ZNF324: variants seen among roughly 807,000 people sequenced by gnomAD.
ZNF324 encodes the protein zinc finger protein 324, also known as zinc finger protein 324A.
ZNF324 carries 3 observed loss-of-function variants against 10.3 expected under a neutral mutation model. The observed-to-expected ratio is 0.29, with a 90% CI of 0.13 to 0.75. The LOEUF (loss-of-function observed/expected upper bound fraction) is 0.75. ZNF324 is among the 30% of genes least tolerant of loss of function. ZNF324 has a pLI of 0.69. For synonymous variants in ZNF324, 430 were observed against 339.5 expected, an observed-to-expected ratio of 1.27 and a Z score of -2.93; for missense variants, 763 against 784.4, an observed-to-expected ratio of 0.97 and a Z score of 0.33.
At position 58,475,046 on chromosome 19, in the gene ZNF324, TTTG is replaced by T. The variant is rs1322511820; in HGVS notation, c.*2895_*2897del. The T allele has an allele frequency of 2.6e-5, 4 of 152,014 alleles. No homozygotes were observed. The highest frequency in any genetic ancestry group is 1.9e-4 in the East Asian group (1 of 5,150). 9.4% of individuals were successfully genotyped at this position (152,014 alleles called of 1,614,324 possible). Reference sequence around the variant, plus strand: ...CCCCACATGGTGGAGGGTGAAAGTTTTTGTTTTTTTTTCCTTCTGGGACTCTGC... The same window carrying T: ...CCCCACATGGTGGAGGGTGAAAGTTTTTTTTTTTTCCTTCTGGGACTCTGC... On this transcript the variant is annotated 3_prime_UTR_variant, in exon 4 of 4. Coordinates refer to ENST00000196482, the MANE Select transcript of ZNF324 (RefSeq NM_014347.3).
At chr19:58,469,664 C>T in intron 2 of ZNF324, 64 bp from the exon 3 acceptor site, 1 of 1,353,602 alleles carries the variant, frequency 7.4e-7, no homozygotes, top group South Asian at 1.3e-5. Context: ...GACTCCTGCC[C>T]TCTGTTTGGA....
At position 58,467,958 on chromosome 19, in the gene ZNF324, G is replaced by A. The variant is rs568400546; in HGVS notation, c.-7+775G>A. 7.2e-5 allele frequency among the ~76,000 whole-genome samples: 11 copies of A among 152,040 alleles called. No individual in the cohort carries two copies. In the South Asian group the frequency reaches 2.1e-3, roughly 29 times the overall value. The stretch of plus-strand genomic sequence containing the variant: ...GGAGAACAGACATGCAGGGGTGTCG[G>A]CATGAAGGGAAGAACCGACTGCCAC... On this transcript the variant is annotated intron_variant, in intron 1 of 3. Transcript: ENST00000196482.
intron 1 of ZNF324, among the ~76,000 whole-genome samples, chr19:58,468,694 G>A (rs1400783969): frequency 1.3e-5 from 2 of 152,170 alleles, no homozygotes. Flanking sequence ...TGTGGCAGCT[G>A]AGGGCCCAGC....
At chr19:58,469,116 G>A in intron 1 of ZNF324, 64 bp from the exon 2 acceptor site, 2 of 1,610,298 alleles carry the variant, frequency 1.2e-6, no homozygotes, top group Admixed American at 3.3e-5. Context: ...GTGGCCCAGG[G>A]AAGCCAAAAG....
At position 58,472,579 on chromosome 19, in the gene ZNF324, T is replaced by G. The variant is rs2053047004; in HGVS notation, c.*425T>G. ...AACTGGCCGCTGGAGAGATGCCCGC[T>G]GAGGGTATTCTCCCCTCAACCCACT... On this transcript the variant is annotated 3_prime_UTR_variant, in exon 4 of 4. Transcript: ENST00000196482. 5.9e-6 allele frequency: 1 copy of G among 168,898 alleles called. No homozygotes were observed. Among genetic ancestry groups the G allele is most frequent in the Non-Finnish European group, 1.3e-5 (1 of 78,908 alleles). The allele number at this position is 168,898 out of a possible 1,614,324, so 10.5% of individuals were successfully genotyped here.
intron 1 of ZNF324, among the ~76,000 whole-genome samples, chr19:58,468,533 G>C (rs2053001019): frequency 6.6e-6 from 1 of 152,152 alleles, no homozygotes; most frequent in Admixed American, 6.5e-5. Context: ...AGGCAAGCAG[G>C]CTCAGCAGGG....
Position 58,470,874 on chromosome 19 carries a change from G to A in ZNF324, c.382G>A (p.Ala128Thr), listed in dbSNP as rs147519125. ...SVKSLQRQRG[A>T]SPSRERKPTG... ...AAAAAGCCTGCAGAGACAACGGGGT[G>A]CCTCCCCATCTCGGGAGAGAAAACC... The change falls in exon 4 of 4, where the codon GCC (alanine) becomes ACC (threonine). Residue 128 changes from alanine (A) to threonine (T), a missense_variant. Around this residue, in one of 3 missense-constraint regions of ZNF324, gnomAD observed 379 missense variants for 319.4 expected, o/e 1.19. Coordinates refer to ENST00000196482, the MANE Select transcript of ZNF324 (RefSeq NM_014347.3). 3.9e-3 allele frequency: 6,257 copies of A among 1,614,212 alleles called. 13 individuals are homozygous for A. The highest frequency in any genetic ancestry group is 5.0e-3 in the Non-Finnish European group (5,907 of 1,180,036).
chr19:58,471,364 G>A lies in ZNF324; in HGVS notation c.872G>A (p.Gly291Asp), dbSNP rs376375652. 2 of 1,614,026 alleles carry A rather than the reference G, an allele frequency of 1.2e-6. No homozygotes were observed. The highest frequency in any genetic ancestry group is 2.2e-5 in the South Asian group (2 of 91,084). The change falls in exon 4 of 4, where the codon GGC (glycine) becomes GAC (aspartate). Residue 291 changes from glycine to aspartate, a missense_variant. Around this residue, in one of 3 missense-constraint regions of ZNF324, gnomAD observed 153 missense variants for 269.0 expected, o/e 0.57. Transcript: ENST00000196482. The part of the protein sequence containing the change: ...GERPYECAQC[G>D]KAFSQTSHLT... ...CGGCCCTACGAGTGCGCCCAGTGCG[G>A]CAAGGCCTTCAGCCAGACGTCGCAC...
rs1352225860 is a variant in ZNF324 at position 58,472,453 on chromosome 19, C to G, written c.*299C>G. 1.9e-5 allele frequency: 8 copies of G among 426,076 alleles called. No individual in the cohort carries two copies. The highest frequency in any genetic ancestry group is 3.0e-5 in the Non-Finnish European group (7 of 237,108). The allele number at this position is 426,076 out of a possible 1,614,324, so 26.4% of individuals were successfully genotyped here. A position where few individuals can be genotyped will look rare whatever the true frequency, so the allele number is the denominator to read the frequency against. Reference sequence around the variant, plus strand: ...GGAGGCCGACAGTCACAGCACTGCACTGTGGTGCGGCTTCATGTGATATGA... The same window carrying G: ...GGAGGCCGACAGTCACAGCACTGCAGTGTGGTGCGGCTTCATGTGATATGA... On this transcript the variant is annotated 3_prime_UTR_variant, in exon 4 of 4. Coordinates refer to ENST00000196482, the MANE Select transcript of ZNF324 (RefSeq NM_014347.3).
rs1282609206 is a variant in ZNF324 at position 58,471,425 on chromosome 19, G to C, written c.933G>C (p.Thr311=). ...ACCAGCGCATCCACAGCGGCGAGAC[G>C]CCCTACGCGTGCCCCGTGTGCGGCA... ...TQHQRIHSGE[T]PYACPVCGKA... The change falls in exon 4 of 4, where the codon ACG becomes ACC. Residue 311 remains threonine, a synonymous_variant. Transcript: ENST00000196482. 1.9e-6 allele frequency: 3 copies of C among 1,607,284 alleles called. No homozygotes were observed. Among genetic ancestry groups the C allele is most frequent in the Non-Finnish European group, 2.5e-6 (3 of 1,176,642 alleles).
At position 58,472,093 on chromosome 19, in the gene ZNF324, A is replaced by T. The variant is rs1345413893; in HGVS notation, c.1601A>T (p.Lys534Met). The change falls in exon 4 of 4, where the codon AAG becomes ATG. Residue 534 changes from lysine (K) to methionine (M), a missense_variant. Around this residue, in one of 3 missense-constraint regions of ZNF324, gnomAD observed 231 missense variants for 196.0 expected, o/e 1.18. Coordinates refer to ENST00000196482, the MANE Select transcript of ZNF324 (RefSeq NM_014347.3). Reference protein sequence around the residue: ...AGASSEGAPAKETEPTPASGP... With the variant: ...AGASSEGAPAMETEPTPASGP... ...GCATCATCAGAAGGTGCGCCAGCGAAGGAAACCGAGCCCACTCCCGCCTCG... is the reference window on the plus strand; with the variant it reads ...GCATCATCAGAAGGTGCGCCAGCGATGGAAACCGAGCCCACTCCCGCCTCG... The T allele has an allele frequency of 3.8e-6, 6 of 1,598,774 alleles. No homozygotes were observed. In the South Asian group the frequency reaches 6.6e-5, roughly 18 times the overall value.
Position 58,470,884 on chromosome 19 carries a change from C to T in ZNF324, c.392C>T (p.Ser131Phe), listed in dbSNP as rs777517710. The T allele has an allele frequency of 5.0e-6, 8 of 1,614,108 alleles. No homozygotes were observed. Among genetic ancestry groups the T allele is most frequent in the African/African-American group, 4.0e-5 (3 of 74,934 alleles). The change falls in exon 4 of 4, where the codon TCT (serine) becomes TTT (phenylalanine). Residue 131 changes from serine to phenylalanine, a missense_variant. Ser to Phe is a radical substitution (Grantham distance 155). Around this residue, in one of 3 missense-constraint regions of ZNF324, gnomAD observed 379 missense variants for 319.4 expected, o/e 1.19. Coordinates refer to ENST00000196482, the MANE Select transcript of ZNF324 (RefSeq NM_014347.3). ...CAGAGACAACGGGGTGCCTCCCCAT[C>T]TCGGGAGAGAAAACCCACGGGGGTG... is the stretch of plus-strand genomic sequence containing the variant. ...SLQRQRGASP[S>F]RERKPTGVSV...
At chr19:58,470,583 C>T (rs1319591802) in intron 3 of ZNF324, 148 bp from the exon 4 acceptor site, 3 of 956,418 alleles carry the variant, frequency 3.1e-6, no homozygotes, top group Non-Finnish European at 5.0e-6. Flanking sequence ...CTCCAAACCC[C>T]AGCCCCTCCT....
In ZNF324 at chr19:58,469,808, A is replaced by G. The variant is rs1217260084; in HGVS notation, c.202A>G (p.Thr68Ala). 1.2e-6 allele frequency: 2 copies of G among 1,601,764 alleles called. No homozygotes were observed. Among genetic ancestry groups the G allele is most frequent in the Non-Finnish European group, 8.5e-7 (1 of 1,174,248 alleles). The change falls in exon 3 of 4, where the codon ACC (threonine) becomes GCC (alanine). Residue 68 changes from threonine (T) to alanine (A), a missense_variant. By Grantham distance (58) the Thr-to-Ala change is moderately conservative. This residue lies in a region of ZNF324 where 379 missense variants were observed against 319.4 expected (regional missense o/e 1.19). Transcript: ENST00000196482. ...CTGGGTTCCCAGTGGAACGGACACA[A>G]CCCTGTCCAGGACCACCTACAGGAG... ...EPWVPSGTDT[T>A]LSRTTYRRRN...
At chr19:58,468,578 CT>C (rs1233181931) in intron 1 of ZNF324, among the ~76,000 whole-genome samples, 1 of 152,058 alleles carries the variant, frequency 6.6e-6, no homozygotes, top group Non-Finnish European at 1.5e-5. Flanking sequence ...TGGGAAGCCC[CT>C]GCTGGGACTC....
rs1227671352 is a variant in ZNF324, at chr19:58,471,336, G to A, written c.844G>A (p.Glu282Lys). 4 of 1,613,944 alleles carry A rather than the reference G, an allele frequency of 2.5e-6. No individual in the cohort carries two copies. The highest frequency in any genetic ancestry group is 3.4e-6 in the Non-Finnish European group (4 of 1,180,036). Residue 282 changes from glutamate to lysine, a missense_variant, in exon 4 of 4, where the codon GAG becomes AAG. Around this residue, in one of 3 missense-constraint regions of ZNF324, gnomAD observed 153 missense variants for 269.0 expected, o/e 0.57. Coordinates refer to ENST00000196482, the MANE Select transcript of ZNF324 (RefSeq NM_014347.3). ...CAAGCACCTACGCACCCACACCGGGGAGCGGCCCTACGAGTGCGCCCAGTG... is the reference window on the plus strand; with the variant it reads ...CAAGCACCTACGCACCCACACCGGGAAGCGGCCCTACGAGTGCGCCCAGTG... ...LLKHLRTHTG[E>K]RPYECAQCGK...
At chr19:58,467,297 A>C (rs905294817) in intron 1 of ZNF324, 114 bp downstream of exon 1, 2 of 152,128 alleles carry the variant, frequency 1.3e-5, no homozygotes, top group Non-Finnish European at 1.5e-5. Context: ...GTGGGCGTCC[A>C]GGGGACTGTC....
Position 58,472,463 on chromosome 19 carries a change from G to A in ZNF324, c.*309G>A, listed in dbSNP as rs959073900. The A allele has an allele frequency of 2.1e-5, 8 of 381,976 alleles. No homozygotes were observed. The highest frequency in any genetic ancestry group is 3.8e-5 in the Non-Finnish European group (8 of 211,414). 23.7% of individuals were successfully genotyped at this position (381,976 alleles called of 1,614,324 possible). ...AGTCACAGCACTGCACTGTGGTGCG[G>A]CTTCATGTGATATGACAGTGGATGC... On this transcript the variant is annotated 3_prime_UTR_variant, in exon 4 of 4. Coordinates refer to ENST00000196482, the MANE Select transcript of ZNF324 (RefSeq NM_014347.3).
In ZNF324 at chr19:58,472,076, A is replaced by G. The variant is rs1373955940; in HGVS notation, c.1584A>G (p.Ser528=). The G allele has an allele frequency of 1.2e-6, 2 of 1,603,012 alleles. No homozygotes were observed. The highest frequency in any genetic ancestry group is 1.7e-6 in the Non-Finnish European group (2 of 1,176,976). The part of the protein sequence containing the change: ...PQARSVAGAS[S]EGAPAKETEP... The stretch of plus-strand genomic sequence containing the variant: ...CCAGGTCTGTTGCCGGGGCATCATC[A>G]GAAGGTGCGCCAGCGAAGGAAACCG... Residue 528 remains serine, a synonymous_variant, in exon 4 of 4, where the codon TCA becomes TCG. Transcript: ENST00000196482.
Sources: gnomAD v4.1 joint callset for allele counts (sites outside exome capture counted in the v4.1 genomes callset) on GRCh38, gnomAD v4.1.1 for gene constraint, gnomAD v4.1.1 regional missense constraint, MANE v1.5 for transcripts, NCBI Gene and HGNC (gene_info 2026-07-23, HGNC 2026-07-21) for gene names.